The following CATSPERT variants were observed in gnomAD, a reference collection of about 807,000 sequenced individuals.
CATSPERT encodes the protein catsper channel auxiliary subunit tau.
the CATSPERT span, among the ~76,000 whole-genome samples, chr2:201,587,055 T>C: frequency 6.6e-6 from 1 of 152,144 alleles, no homozygotes; most frequent in Non-Finnish European, 1.5e-5. Flanking sequence ...GATTATAATA[T>C]GGATCTTTCA....
At chr2:201,544,963 C>T in the CATSPERT span, among the ~76,000 whole-genome samples, 3 of 151,934 alleles carry the variant, frequency 2.0e-5, no homozygotes, top group South Asian at 4.2e-4. Flanking sequence ...TGCAACTGCA[C>T]TCCAGCCTGG....
chr2:201,493,737 T>TA, the CATSPERT span: 1 of 1,537,324 alleles, frequency 6.5e-7, no homozygotes, highest in Admixed American at 2.0e-5. Context: ...GTGCAGTGAA[T>TA]ATTTGCCTCA....
At chr2:201,584,092 T>C in the CATSPERT span, among the ~76,000 whole-genome samples, 2 of 151,448 alleles carry the variant, frequency 1.3e-5, no homozygotes, top group Admixed American at 6.6e-5. Context: ...AGTTTGATAC[T>C]AGCCTCGGCA....
At chr2:201,551,705 G>C in the CATSPERT span, among the ~76,000 whole-genome samples, 2 of 151,908 alleles carry the variant, frequency 1.3e-5, no homozygotes, top group Non-Finnish European at 2.9e-5. Flanking sequence ...GTGATCTCTC[G>C]ACTAGCCTCA....
the CATSPERT span, among the ~76,000 whole-genome samples, chr2:201,502,813 A>G: frequency 1.3e-5 from 2 of 152,008 alleles, no homozygotes; most frequent in African/African-American, 4.8e-5. Flanking sequence ...CATTTTCTTC[A>G]AATCATTTTT....
the CATSPERT span, among the ~76,000 whole-genome samples, chr2:201,588,366 C>T: frequency 2.0e-5 from 3 of 151,776 alleles, no homozygotes; most frequent in Non-Finnish European, 2.9e-5. Context: ...TGTGATCAAT[C>T]GCATAAACAG....
chr2:201,614,875 C>T, the CATSPERT span, among the ~76,000 whole-genome samples: 1 of 152,014 alleles, frequency 6.6e-6, no homozygotes, highest in Non-Finnish European at 1.5e-5. Flanking sequence ...ATCTACCAAG[C>T]CAATGGAAAA....
At chr2:201,615,963 T>A in the CATSPERT span, among the ~76,000 whole-genome samples, 9 of 152,134 alleles carry the variant, frequency 5.9e-5, no homozygotes, top group African/African-American at 2.2e-4. Context: ...CTAGAAGAAA[T>A]GGATAAATTC....
At chr2:201,560,344 A>G in the CATSPERT span, among the ~76,000 whole-genome samples, 1 of 151,690 alleles carries the variant, frequency 6.6e-6, no homozygotes, top group African/African-American at 2.4e-5. Flanking sequence ...AACTCCTTGA[A>G]CCCAGGAGGT....
the CATSPERT span, among the ~76,000 whole-genome samples, chr2:201,597,774 C>T: frequency 6.6e-6 from 1 of 152,096 alleles, no homozygotes; most frequent in South Asian, 2.1e-4. Context: ...TCCAGCATGG[C>T]CAGAACCAGA....
chr2:201,547,707 TA>T, the CATSPERT span: 1 of 609,262 alleles, frequency 1.6e-6, no homozygotes, highest in Non-Finnish European at 2.7e-6. Context: ...GATCCATTTA[TA>T]AAATGTTCTA....
the CATSPERT span, among the ~76,000 whole-genome samples, chr2:201,598,632 A>G: frequency 3.3e-5 from 5 of 151,960 alleles, no homozygotes; most frequent in African/African-American, 4.8e-5. Context: ...CCCAGGCTGG[A>G]GTGCAGTAGT....
chr2:201,489,160 A>G, the CATSPERT span, among the ~76,000 whole-genome samples: 2 of 152,204 alleles, frequency 1.3e-5, no homozygotes, highest in Non-Finnish European at 2.9e-5. Context: ...ACAATTATCT[A>G]TTAGAGGAAA....
At chr2:201,562,996 T>C in the CATSPERT span, among the ~76,000 whole-genome samples, 19 of 146,320 alleles carry the variant, frequency 1.3e-4, no homozygotes, top group East Asian at 2.1e-4. Flanking sequence ...AAAGCCGCCA[T>C]TGTCATCCTG....
At chr2:201,596,881 G>A in the CATSPERT span, among the ~76,000 whole-genome samples, 1 of 152,250 alleles carries the variant, frequency 6.6e-6, no homozygotes, top group East Asian at 1.9e-4. Context: ...TTTGTACACT[G>A]TTTCCACGTT....
chr2:201,517,667 G>A, the CATSPERT span, among the ~76,000 whole-genome samples: 4 of 152,216 alleles, frequency 2.6e-5, no homozygotes, highest in African/African-American at 9.6e-5. Flanking sequence ...TCCCCCAAAG[G>A]GGTAACTGCC....
chr2:201,606,898 CAA>C, the CATSPERT span, among the ~76,000 whole-genome samples: 31 of 58,586 alleles, frequency 5.3e-4, no homozygotes, highest in Admixed American at 7.8e-4. Flanking sequence ...GACTCTGTCT[CAA>C]AAAAAAAAAA....
At chr2:201,547,671 G>A in the CATSPERT span, 1 of 825,894 alleles carries the variant, frequency 1.2e-6, no homozygotes, top group Non-Finnish European at 1.8e-6. Context: ...CATATGGTAT[G>A]ATTCACAGAA....
chr2:201,608,528 G>T, the CATSPERT span, among the ~76,000 whole-genome samples: 1 of 152,100 alleles, frequency 6.6e-6, no homozygotes, highest in Non-Finnish European at 1.5e-5. Flanking sequence ...ATACTACAAA[G>T]AAAATACGCT....
Sources: gnomAD v4.1 joint callset for allele counts (sites outside exome capture counted in the v4.1 genomes callset) on GRCh38, gnomAD v4.1.1 for gene constraint, MANE v1.5 for transcripts, NCBI Gene and HGNC (gene_info 2026-07-23, HGNC 2026-07-21) for gene names.